TMEM132D: variants seen among roughly 807,000 people sequenced by gnomAD.
TMEM132D encodes mature OL transmembrane protein.
In TMEM132D, 21 loss-of-function variants were observed where a neutral mutation model predicts 62.3. The ratio of observed to expected loss-of-function variants is 0.34; its 90% confidence interval spans 0.24 to 0.49. The LOEUF is 0.49. Ranked by LOEUF, TMEM132D falls within the 20% of genes least tolerant of loss-of-function variation. TMEM132D has a pLI of 0.99. For synonymous variants in TMEM132D, 621 were observed against 575.6 expected (o/e 1.08, Z -1.13); for missense variants, 1,346 against 1,402.8 (o/e 0.96, Z 0.65).
At chr12:129,563,817 T>C (rs949368719) in intron 2 of TMEM132D, among the ~76,000 whole-genome samples, 1 of 152,006 alleles carries the variant, frequency 6.6e-6, no homozygotes, top group Admixed American at 6.6e-5. Flanking sequence ...CCAGTAATAA[T>C]ATTTAAAAAA....
intron 1 of TMEM132D, among the ~76,000 whole-genome samples, chr12:129,778,648 T>C (rs182219872): frequency 1.3e-5 from 2 of 152,342 alleles, no homozygotes; most frequent in Admixed American, 1.3e-4. Context: ...GCTAAAAACA[T>C]GTTTGGAATT....
At chr12:129,608,574 T>C (rs1878688336) in intron 2 of TMEM132D, among the ~76,000 whole-genome samples, 1 of 152,196 alleles carries the variant, frequency 6.6e-6, no homozygotes. Flanking sequence ...CCTCTAAGCA[T>C]TCTCCTTGAT....
chr12:129,166,306 C>CATCTAAA (rs1565983920), intron 5 of TMEM132D, among the ~76,000 whole-genome samples: 3 of 152,084 alleles, frequency 2.0e-5, no homozygotes, highest in African/African-American at 4.8e-5. Flanking sequence ...ACCCCTGCTC[C>CATCTAAA]GTCTAAAGGG....
intron 1 of TMEM132D, among the ~76,000 whole-genome samples, chr12:129,809,323 A>AG (rs1218622995): frequency 7.1e-6 from 1 of 140,038 alleles, no homozygotes; most frequent in East Asian, 2.3e-4. Flanking sequence ...AAAAAAAAAA[A>AG]ATTTTTTTTT....
chr12:129,426,959 C>T (rs2135713931), intron 3 of TMEM132D, among the ~76,000 whole-genome samples: 1 of 152,296 alleles, frequency 6.6e-6, no homozygotes, highest in South Asian at 2.1e-4. Flanking sequence ...AGCTAGAGAG[C>T]TATAGGGCCT....
intron 1 of TMEM132D, among the ~76,000 whole-genome samples, chr12:129,818,607 ATG>A (rs772265164): frequency 1.0e-4 from 15 of 146,994 alleles, no homozygotes; most frequent in Non-Finnish European, 1.7e-4. Flanking sequence ...GTGTGTGTAT[ATG>A]TGTGTGTGTG....
chr12:129,088,205 C>CG (rs200880377), intron 5 of TMEM132D, among the ~76,000 whole-genome samples: 304 of 18,152 alleles, frequency 0.017, 25 homozygotes, highest in Non-Finnish European at 0.024. Flanking sequence ...CCTCCATGAC[C>CG]GGGTGTCCTC....
intron 3 of TMEM132D, among the ~76,000 whole-genome samples, chr12:129,493,497 C>T (rs1479706453): frequency 6.6e-6 from 1 of 152,144 alleles, no homozygotes; most frequent in African/African-American, 2.4e-5. Flanking sequence ...AGTACCATAA[C>T]CAGTTACTCT....
chr12:129,481,813 A>C (rs923944354), intron 3 of TMEM132D, among the ~76,000 whole-genome samples: 1 of 152,038 alleles, frequency 6.6e-6, no homozygotes, highest in African/African-American at 2.4e-5. Flanking sequence ...TGTTCTTTTT[A>C]GCCCTTAATG....
At chr12:129,406,492 T>C (rs1330783118) in intron 3 of TMEM132D, among the ~76,000 whole-genome samples, 1 of 151,974 alleles carries the variant, frequency 6.6e-6, no homozygotes, top group Non-Finnish European at 1.5e-5. Context: ...TGGTGGCATG[T>C]GCCTGTAATC....
intron 5 of TMEM132D, among the ~76,000 whole-genome samples, chr12:129,191,929 T>C (rs1019088469): frequency 4.6e-5 from 7 of 152,250 alleles, no homozygotes; most frequent in Admixed American, 1.3e-4. Context: ...TTAAATTATT[T>C]ATGTTTATGC....
chr12:129,503,471 G>T (rs914491964), intron 3 of TMEM132D, among the ~76,000 whole-genome samples: 1 of 152,126 alleles, frequency 6.6e-6, no homozygotes, highest in Non-Finnish European at 1.5e-5. Flanking sequence ...GAGAGAGAAA[G>T]AAGAAAGGGA....
intron 4 of TMEM132D, chr12:129,212,255 T>C (rs984128463): frequency 1.3e-5 from 2 of 152,232 alleles, no homozygotes; most frequent in African/African-American, 4.8e-5. Context: ...CCCATATGTC[T>C]GGGGTGTTGC....
At chr12:129,513,807 TA>T (rs1175218989) in intron 3 of TMEM132D, among the ~76,000 whole-genome samples, 5 of 97,736 alleles carry the variant, frequency 5.1e-5, no homozygotes, top group African/African-American at 8.6e-5. Context: ...TTTTTATTTT[TA>T]TTTATTTATT....
chr12:129,210,786 G>C (rs1301452442), intron 4 of TMEM132D: 1 of 152,162 alleles, frequency 6.6e-6, no homozygotes, highest in African/African-American at 2.4e-5. Context: ...AAAGGACTGG[G>C]ATTTACATCC....
intron 4 of TMEM132D, among the ~76,000 whole-genome samples, chr12:129,224,373 C>A (rs12309767): frequency 0.047 from 7,101 of 152,134 alleles, 348 homozygotes; most frequent in African/African-American, 0.12. Flanking sequence ...TTACTTGATA[C>A]AAAATTTGTT....
At chr12:129,536,545 A>G (rs1258134456) in intron 2 of TMEM132D, among the ~76,000 whole-genome samples, 1 of 152,204 alleles carries the variant, frequency 6.6e-6, no homozygotes, top group East Asian at 1.9e-4. Context: ...ATATCACATA[A>G]CATTTTGCTT....
At chr12:129,743,661 A>G (rs889605692) in intron 1 of TMEM132D, among the ~76,000 whole-genome samples, 3 of 152,318 alleles carry the variant, frequency 2.0e-5, no homozygotes, top group African/African-American at 7.2e-5. Context: ...GAAACCTGTG[A>G]ACATGTTAGC....
chr12:129,557,281 A>AT (rs1362188489), intron 2 of TMEM132D, among the ~76,000 whole-genome samples: 1 of 152,138 alleles, frequency 6.6e-6, no homozygotes, highest in Non-Finnish European at 1.5e-5. Context: ...ATTCAAATTT[A>AT]TTTTTTATCT....
Sources: allele counts gnomAD v4.1 joint callset (sites outside exome capture counted in the v4.1 genomes callset), GRCh38; gene constraint gnomAD v4.1.1; transcripts MANE v1.5; gene names NCBI Gene and HGNC (gene_info 2026-07-23, HGNC 2026-07-21).